CYFIP2: variants seen among roughly 807,000 people sequenced by gnomAD.
The protein encoded by CYFIP2 is cytoplasmic FMR1-interacting protein 2.
Under a neutral mutation model 158.7 loss-of-function variants are expected in CYFIP2, and 29 were observed. The observed-to-expected ratio is 0.18, with a 90% CI of 0.14 to 0.25. CYFIP2 has a LOEUF of 0.25. Ranked by LOEUF, CYFIP2 falls within the 10% of genes least tolerant of loss-of-function variation. CYFIP2 has a pLI of 1.00. For synonymous variants in CYFIP2, 585 were observed against 617.6 expected, an observed-to-expected ratio of 0.95 and a Z score of 0.78; for missense variants, 852 against 1,639.5, an observed-to-expected ratio of 0.52 and a Z score of 8.29.
chr5:157,325,698 C>A (rs1760968344), intron 17 of CYFIP2, 60 bp downstream of exon 17: 5 of 1,494,868 alleles, frequency 3.3e-6, no homozygotes, highest in East Asian at 2.4e-5. Flanking sequence ...GGCAGTTTGC[C>A]AGGGAGATCC....
At chr5:157,312,164 G>A (rs1759778268) in intron 11 of CYFIP2, among the ~76,000 whole-genome samples, 1 of 151,910 alleles carries the variant, frequency 6.6e-6, no homozygotes, top group Non-Finnish European at 1.5e-5. Flanking sequence ...CAAGAAAACA[G>A]AACACTCGTA....
chr5:157,325,727 C>A (rs2113140309), intron 17 of CYFIP2, 89 bp downstream of exon 17: 1 of 1,382,100 alleles, frequency 7.2e-7, no homozygotes, highest in African/African-American at 1.5e-5. Flanking sequence ...CAGAAGGAAG[C>A]ACTGAGTTGA....
intron 26 of CYFIP2, among the ~76,000 whole-genome samples, chr5:157,381,546 A>G: frequency 6.6e-6 from 1 of 151,100 alleles, no homozygotes; most frequent in African/African-American, 2.4e-5. Context: ...AAAAAAAAAA[A>G]AGGGGTGAGG....
chr5:157,288,295 TG>T, intron 3 of CYFIP2, among the ~76,000 whole-genome samples: 1 of 152,288 alleles, frequency 6.6e-6, no homozygotes, highest in Admixed American at 6.5e-5. Flanking sequence ...AATTCTTTCA[TG>T]GGGGTAGAGC....
At chr5:157,376,236 T>C (rs893323839) in intron 26 of CYFIP2, 1 of 152,312 alleles carries the variant, frequency 6.6e-6, no homozygotes, top group African/African-American at 2.4e-5. Flanking sequence ...TGTTTCTCTC[T>C]CTTCTCAGTC....
intron 5 of CYFIP2, among the ~76,000 whole-genome samples, chr5:157,299,409 C>A (rs1310651847): frequency 4.6e-5 from 7 of 152,274 alleles, no homozygotes; most frequent in African/African-American, 1.2e-4. Flanking sequence ...ATTGAGTTAC[C>A]CCATAAGCCT....
At chr5:157,358,856 C>A in intron 23 of CYFIP2, 149 bp from the exon 24 acceptor site, 1 of 995,100 alleles carries the variant, frequency 1.0e-6, no homozygotes, top group Non-Finnish European at 1.5e-6. Context: ...TCTCTATGAC[C>A]ACCATTTTGC....
At chr5:157,371,040 CG>C (rs1764949055) in intron 26 of CYFIP2, among the ~76,000 whole-genome samples, 1 of 152,118 alleles carries the variant, frequency 6.6e-6, no homozygotes, top group Non-Finnish European at 1.5e-5. Flanking sequence ...CAGCGTCTCT[CG>C]GTTGGGCTTT....
chr5:157,308,779 C>T (rs1304814478), intron 9 of CYFIP2, among the ~76,000 whole-genome samples: 5 of 152,112 alleles, frequency 3.3e-5, no homozygotes, highest in Admixed American at 3.3e-4. Flanking sequence ...GAAAATAGGG[C>T]TCATTTTGGG....
intron 23 of CYFIP2, chr5:157,342,064 A>G (rs983443023): frequency 6.6e-6 from 1 of 152,654 alleles, no homozygotes; most frequent in African/African-American, 2.4e-5. Context: ...CCTCTCCAAC[A>G]CTGGATCTCC....
rs140934954 is a variant in CYFIP2, at chr5:157,268,230, G to T, written c.-24+2035G>T. ...TATATTTCCTGGCCAGTTCTGACCG[G>T]TTCTGTAGGCACCCAAGGCTGCCTT... On this transcript the variant is annotated intron_variant, in intron 1 of 30. Transcript: ENST00000620254. Among the ~76,000 whole-genome samples, 4 of 152,334 alleles carry T rather than the reference G, an allele frequency of 2.6e-5. No individual in the cohort carries two copies. In the East Asian group the frequency reaches 7.7e-4, roughly 29 times the overall value.
At position 157,323,926 on chromosome 5, in the gene CYFIP2, C is replaced by T; in HGVS notation, c.1677C>T (p.Tyr559=). 6.3e-7 allele frequency: 1 copy of T among 1,581,212 alleles called. No homozygotes were observed. Among genetic ancestry groups the T allele is most frequent in the Non-Finnish European group, 8.6e-7 (1 of 1,162,186 alleles). ...RAVGPSSTQL[Y]MVRTMLESLI... ...ATCTTGCTTTCTTTTTCAAGCTGTA[C>T]ATGGTGCGGACCATGCTTGAATCAC... is the stretch of plus-strand genomic sequence containing the variant. Residue 559 remains tyrosine, a synonymous_variant, in exon 16 of 31, where the codon TAC becomes TAT. Transcript: ENST00000620254.
intron 1 of CYFIP2, among the ~76,000 whole-genome samples, chr5:157,271,909 C>A (rs944062181): frequency 1.4e-4 from 22 of 152,178 alleles, no homozygotes; most frequent in African/African-American, 5.3e-4. Context: ...CTCCTCTCCC[C>A]ACATACGCGT....
At chr5:157,292,312 C>T (rs552384932) in intron 3 of CYFIP2, among the ~76,000 whole-genome samples, 14 of 152,058 alleles carry the variant, frequency 9.2e-5, no homozygotes, top group Middle Eastern at 3.4e-3. Flanking sequence ...TTCCACCTCC[C>T]GGGTTCAAGT....
intron 1 of CYFIP2, among the ~76,000 whole-genome samples, chr5:157,268,718 A>AT (rs578004443): frequency 9.3e-4 from 142 of 152,332 alleles, no homozygotes; most frequent in African/African-American, 3.3e-3. Context: ...ACTGGCAAGT[A>AT]TTAATTATTC....
chr5:157,311,370 G>T lies in CYFIP2; in HGVS notation c.993-294G>T. 2.3e-6 allele frequency: 1 copy of T among 440,964 alleles called. No homozygotes were observed. Among genetic ancestry groups the T allele is most frequent in the Non-Finnish European group, 4.2e-6 (1 of 237,098 alleles). The allele number at this position is 440,964 out of a possible 1,614,324, so 27.3% of individuals were successfully genotyped here. A position where few individuals can be genotyped will look rare whatever the true frequency, so the allele number is the denominator to read the frequency against. ...CCCTTTGTAGTCCTAGAGAGGCTGT[G>T]TTCCCGCCCCTCTCATATTACTGGT... On this transcript the variant is annotated intron_variant, in intron 10 of 30. Coordinates refer to ENST00000620254, the MANE Select transcript of CYFIP2 (RefSeq NM_001037333.3). The surrounding 1 kb of genome is among the most constrained non-coding windows in gnomAD (Gnocchi z 4.7).
chr5:157,307,661 G>GTGTGTGTGTA, intron 8 of CYFIP2, 100 bp from the exon 9 acceptor site: 1 of 638,952 alleles, frequency 1.6e-6, no homozygotes, highest in Non-Finnish European at 2.9e-6. Flanking sequence ...GTGTGTATGT[G>GTGTGTGTGTA]TGTGTGTGTG....
chr5:157,314,470 GTC>G lies in CYFIP2; in HGVS notation c.1230+11_1230+12del. On this transcript the variant is annotated splice_region_variant and intron_variant, in intron 12 of 30. Transcript: ENST00000620254. ...CGCCCACGTCATGGAGGTGGTAGGT[GTC>G]TCTGGGTAGAGGGCCTCACACTGAC... 6 of 1,613,142 alleles carry G rather than the reference GTC, an allele frequency of 3.7e-6. No homozygotes were observed. Among genetic ancestry groups the G allele is most frequent in the Non-Finnish European group, 5.1e-6 (6 of 1,179,422 alleles).
At chr5:157,322,834 A>C in intron 15 of CYFIP2, 1 of 1,204,480 alleles carries the variant, frequency 8.3e-7, no homozygotes, top group Non-Finnish European at 1.2e-6. Flanking sequence ...TTCCCACCGT[A>C]TACAATACCT....
Sources: allele counts gnomAD v4.1 joint callset (sites outside exome capture counted in the v4.1 genomes callset), GRCh38; gene constraint gnomAD v4.1.1; non-coding constraint Gnocchi (gnomAD v3.1); transcripts MANE v1.5; gene names NCBI Gene and HGNC (gene_info 2026-07-23, HGNC 2026-07-21).